The following ZFP2 variants were observed in gnomAD, a reference collection of about 807,000 sequenced individuals.
The protein encoded by ZFP2 is ZFP2 zinc finger protein, also known as zinc finger protein ZFP2.
Under a neutral mutation model 36.1 loss-of-function variants are expected in ZFP2, and 33 were observed. That is an observed-to-expected ratio of 0.92 (90% CI 0.69 to 1.22). ZFP2 has a LOEUF of 1.22. Ranked by LOEUF, ZFP2 falls within the 50% of genes most tolerant of loss-of-function variation. ZFP2 has a pLI of 0.00. For missense variants in ZFP2, 522 were observed against 551.4 expected (o/e 0.95, Z 0.53); for synonymous variants, 170 against 178.0 (o/e 0.96, Z 0.36).
chr5:178,909,608 A>C, intron 1 of ZFP2: 1 of 1,216,694 alleles, frequency 8.2e-7, no homozygotes, highest in Non-Finnish European at 1.1e-6. Flanking sequence ...TGTGAAGTAG[A>C]AACTATCCTG....
chr5:178,905,805 A>G (rs990870671), intron 1 of ZFP2, among the ~76,000 whole-genome samples: 1 of 151,004 alleles, frequency 6.6e-6, no homozygotes, highest in Non-Finnish European at 1.5e-5. Flanking sequence ...AGACTGGACT[A>G]CAGTGGTGTG....
At position 178,913,077 on chromosome 5, in the gene ZFP2, T is replaced by C. The variant is rs146326938; in HGVS notation, c.-224+6T>C. ...GCCTGAGGGTGGCTTTCGAGGTAAG[T>C]GCCAGGCTGTGCAGACTTGTTAAAT... On this transcript the variant is annotated splice_donor_region_variant and intron_variant, in intron 3 of 4. Coordinates refer to ENST00000361362, the MANE Select transcript of ZFP2 (RefSeq NM_030613.4). 1,040 of 985,336 alleles carry C rather than the reference T, an allele frequency of 1.1e-3. 11 individuals carry two copies. In the African/African-American group the frequency reaches 0.017, roughly 16 times the overall value. The allele number at this position is 985,336 out of a possible 1,614,324, so 61.0% of individuals were successfully genotyped here. A position where few individuals can be genotyped will look rare whatever the true frequency, so the allele number is the denominator to read the frequency against.
intron 4 of ZFP2, among the ~76,000 whole-genome samples, chr5:178,929,340 A>G (rs2113126729): frequency 1.3e-5 from 2 of 149,272 alleles, no homozygotes; most frequent in Middle Eastern, 6.8e-3. Context: ...TGTTCCACTT[A>G]CTCCCTTTTA....
intron 1 of ZFP2, among the ~76,000 whole-genome samples, chr5:178,912,184 G>A (rs1309424374): frequency 6.6e-6 from 1 of 152,190 alleles, no homozygotes. Context: ...GGGCTGGGCT[G>A]TGACTGTATG....
chr5:178,915,049 A>G (rs1037679781), intron 3 of ZFP2, among the ~76,000 whole-genome samples: 6 of 152,198 alleles, frequency 3.9e-5, no homozygotes, highest in Admixed American at 2.6e-4. Flanking sequence ...CTTCTTAAAT[A>G]GCAGTCTTTC....
intron 1 of ZFP2, among the ~76,000 whole-genome samples, chr5:178,896,751 G>A (rs1757951995): frequency 6.6e-6 from 1 of 152,190 alleles, no homozygotes; most frequent in Non-Finnish European, 1.5e-5. Flanking sequence ...TTTTTAAACA[G>A]AAATATGAAT....
chr5:178,930,313 C>G (rs1222629955), intron 4 of ZFP2, among the ~76,000 whole-genome samples: 1 of 121,006 alleles, frequency 8.3e-6, no homozygotes, highest in African/African-American at 3.0e-5. Flanking sequence ...TTTTCCCTTT[C>G]CTTTTTTTTT....
chr5:178,920,156 G>C (rs1758525062), intron 4 of ZFP2, among the ~76,000 whole-genome samples: 1 of 151,930 alleles, frequency 6.6e-6, no homozygotes, highest in African/African-American at 2.4e-5. Context: ...TTTTGTTGTT[G>C]TCCCATACAT....
At chr5:178,921,253 CCT>C (rs1304652033) in intron 4 of ZFP2, among the ~76,000 whole-genome samples, 15 of 152,280 alleles carry the variant, frequency 9.9e-5, no homozygotes, top group African/African-American at 1.4e-4. Context: ...CGAATTCTCC[CCT>C]GTCTATGTCC....
intron 4 of ZFP2, among the ~76,000 whole-genome samples, chr5:178,924,148 C>T (rs1203698862): frequency 6.7e-6 from 1 of 148,384 alleles, no homozygotes; most frequent in African/African-American, 2.4e-5. Context: ...CCGAGGCGGG[C>T]GGATCACGAG....
rs1758833778 is a variant in ZFP2, at chr5:178,931,402, G to C, written c.89G>C (p.Ser30Thr). Residue 30 changes from serine to threonine, a missense_variant, in exon 5 of 5, where the codon AGC becomes ACC. Ser to Thr is a moderately conservative substitution (Grantham distance 58). Transcript: ENST00000361362. ...GAGGGACAACAGGATAGTCATCTGA[G>C]CCAAGTGGGAGTTACCCATAAGGAA... ...WLEGQQDSHL[S>T]QVGVTHKETF... The C allele has an allele frequency of 6.2e-7, 1 of 1,614,120 alleles. No homozygotes were observed. Among genetic ancestry groups the C allele is most frequent in the African/African-American group, 1.3e-5 (1 of 75,030 alleles).
At chr5:178,909,957 T>C in intron 1 of ZFP2, 1 of 1,408,596 alleles carries the variant, frequency 7.1e-7, no homozygotes, top group Middle Eastern at 1.8e-4. Flanking sequence ...CAGCCATTGG[T>C]CCAATACTGG....
At chr5:178,907,619 G>GAGATAAAT (rs1758193593) in intron 1 of ZFP2, among the ~76,000 whole-genome samples, 1 of 48,788 alleles carries the variant, frequency 2.0e-5, no homozygotes, top group Non-Finnish European at 4.7e-5. Flanking sequence ...GATATTCAAA[G>GAGATAAAT]AGATAAATAA....
rs750588490 is a variant in ZFP2 at position 178,931,916 on chromosome 5, T to G, written c.603T>G (p.Leu201=). 1.9e-6 allele frequency: 3 copies of G among 1,613,986 alleles called. No individual in the cohort carries two copies. The highest frequency in any genetic ancestry group is 2.5e-6 in the Non-Finnish European group (3 of 1,179,990). Residue 201 remains leucine, a synonymous_variant, in exon 5 of 5, where the codon CTT becomes CTG. Transcript: ENST00000361362. Reference sequence around the variant, plus strand: ...AAGCCTTCCATAAGAATTCATCTCTTATTCAGCATGAAAGGATTCATACTG... The same window carrying G: ...AAGCCTTCCATAAGAATTCATCTCTGATTCAGCATGAAAGGATTCATACTG... ...CGKAFHKNSS[L]IQHERIHTGE...
chr5:178,904,849 C>T lies in ZFP2; in HGVS notation c.-449-7735C>T, dbSNP rs1462334308. 4.6e-5 allele frequency among the ~76,000 whole-genome samples: 7 copies of T among 151,782 alleles called. 1 individual carries two copies. The South Asian group carries it at 1.0e-3, about 23-fold the overall frequency. ...TCCTCAGTAGCTGGGACTACAGGCA[C>T]GTGCCACCACGCCTGGCTAACTTTT... On this transcript the variant is annotated intron_variant, in intron 1 of 4. Transcript: ENST00000361362.
At chr5:178,917,555 C>T (rs1022612971) in intron 4 of ZFP2, among the ~76,000 whole-genome samples, 2 of 151,424 alleles carry the variant, frequency 1.3e-5, no homozygotes, top group Non-Finnish European at 2.9e-5. Flanking sequence ...GTGGAAGTTG[C>T]AGTAAGCCGA....
chr5:178,916,695 C>A lies in ZFP2; in HGVS notation c.-93C>A, dbSNP rs1373925158. On this transcript the variant is annotated 5_prime_UTR_variant, in exon 4 of 5. Coordinates refer to ENST00000361362, the MANE Select transcript of ZFP2 (RefSeq NM_030613.4). ...CACAGCCAGCATCTCACTTACTTGA[C>A]ACAAAACATCTATAGGTAAGTACTG... is the stretch of plus-strand genomic sequence containing the variant. 38 of 985,310 alleles carry A rather than the reference C, an allele frequency of 3.9e-5. No individual in the cohort carries two copies. The highest frequency in any genetic ancestry group is 9.4e-5 in the South Asian group (2 of 21,288). The allele number at this position is 985,310 out of a possible 1,614,324, so 61.0% of individuals were successfully genotyped here.
chr5:178,907,406 G>A (rs1758189325), intron 1 of ZFP2, among the ~76,000 whole-genome samples: 1 of 150,928 alleles, frequency 6.6e-6, no homozygotes, highest in Admixed American at 6.6e-5. Context: ...AGGAGAGGAG[G>A]GTCCTGTAAA....
chr5:178,898,083 G>A (rs1376694351), intron 1 of ZFP2, among the ~76,000 whole-genome samples: 6 of 152,012 alleles, frequency 3.9e-5, no homozygotes, highest in Non-Finnish European at 8.8e-5. Context: ...CTACCTCCCC[G>A]GTTCAAGTGA....
Sources: gnomAD v4.1 joint callset for allele counts (sites outside exome capture counted in the v4.1 genomes callset) on GRCh38, gnomAD v4.1.1 for gene constraint, MANE v1.5 for transcripts, NCBI Gene and HGNC (gene_info 2026-07-23, HGNC 2026-07-21) for gene names.